Variants in PSD3 observed in about 807,000 individuals in gnomAD.
PSD3 encodes the protein pleckstrin and Sec7 domain containing 3.
Under a neutral mutation model 105.5 loss-of-function variants are expected in PSD3, and 49 were observed. That is an observed-to-expected ratio of 0.46 (90% confidence interval 0.37 to 0.59). PSD3 has a LOEUF of 0.59. Ranked by LOEUF, PSD3 falls within the 20% of genes least tolerant of loss-of-function variation. PSD3 has a pLI of 0.00. For missense variants in PSD3, 1,561 were observed against 1,263.8 expected (o/e 1.24, Z -3.57); for synonymous variants, 557 against 457.8 (o/e 1.22, Z -2.77).
At chr8:19,029,275 T>C (rs1477017321) in intron 1 of PSD3, among the ~76,000 whole-genome samples, 1 of 152,220 alleles carries the variant, frequency 6.6e-6, no homozygotes, top group Non-Finnish European at 1.5e-5. Flanking sequence ...ACAATTTGTC[T>C]TCTAAAACAT....
chr8:18,617,123 G>C (rs572214381), intron 11 of PSD3, among the ~76,000 whole-genome samples: 1 of 152,186 alleles, frequency 6.6e-6, no homozygotes, highest in Non-Finnish European at 1.5e-5. Flanking sequence ...TGAACCTTCA[G>C]AGGGTGATGG....
intron 10 of PSD3, among the ~76,000 whole-genome samples, chr8:18,638,993 G>T (rs879903545): frequency 2.6e-5 from 4 of 152,196 alleles, no homozygotes; most frequent in Non-Finnish European, 5.9e-5. Context: ...ATTGACCACT[G>T]CCCTTCCGTG....
At chr8:19,034,176 A>G (rs1354010722) in intron 1 of PSD3, among the ~76,000 whole-genome samples, 3 of 152,196 alleles carry the variant, frequency 2.0e-5, no homozygotes, top group Non-Finnish European at 2.9e-5. Flanking sequence ...TCCCAGAGTT[A>G]AGGCTAGTTC....
chr8:18,656,351 T>C (rs12544583), intron 9 of PSD3, among the ~76,000 whole-genome samples: 65,102 of 150,854 alleles, frequency 0.43, 14,487 homozygotes, highest in South Asian at 0.53. Context: ...AGCCACTGTG[T>C]CTGGCTGCTT....
intron 1 of PSD3, among the ~76,000 whole-genome samples, chr8:18,970,637 A>AT (rs1255731097): frequency 6.6e-6 from 1 of 152,068 alleles, no homozygotes; most frequent in Non-Finnish European, 1.5e-5. Flanking sequence ...CTTTCCTAGA[A>AT]TTGTCCTCTG....
chr8:19,071,197 T>C (rs1247508921), intron 1 of PSD3, among the ~76,000 whole-genome samples: 2 of 152,110 alleles, frequency 1.3e-5, no homozygotes, highest in African/African-American at 4.8e-5. Context: ...TTAGCTGGGA[T>C]TACAGGTGTG....
intron 10 of PSD3, among the ~76,000 whole-genome samples, chr8:18,652,544 C>T (rs999237283): frequency 7.6e-6 from 1 of 132,342 alleles, no homozygotes; most frequent in Non-Finnish European, 1.6e-5. Flanking sequence ...GTCACCCAGG[C>T]TGGGGTATAG....
At chr8:18,718,960 A>AT (rs1802774643) in intron 9 of PSD3, among the ~76,000 whole-genome samples, 1 of 152,190 alleles carries the variant, frequency 6.6e-6, no homozygotes, top group Admixed American at 6.5e-5. Flanking sequence ...GACTGCTACA[A>AT]TTATCTGTGG....
chr8:18,998,577 C>T (rs986442479), intron 1 of PSD3, among the ~76,000 whole-genome samples: 3 of 152,014 alleles, frequency 2.0e-5, no homozygotes, highest in African/African-American at 2.4e-5. Flanking sequence ...GTCCCAGCTA[C>T]TCAGGAGGCT....
intron 1 of PSD3, among the ~76,000 whole-genome samples, chr8:18,994,241 G>A (rs1470012820): frequency 1.6e-5 from 2 of 125,796 alleles, no homozygotes; most frequent in East Asian, 2.4e-4. Flanking sequence ...ATTTTTATAG[G>A]TCCTCATCTC....
At chr8:18,568,711 T>C (rs991497955) in intron 14 of PSD3, among the ~76,000 whole-genome samples, 41 of 152,328 alleles carry the variant, frequency 2.7e-4, no homozygotes, top group African/African-American at 8.7e-4. Flanking sequence ...TTCTTCTTTT[T>C]TTTTTTTATT....
At chr8:18,848,758 T>C (rs1470726902) in intron 4 of PSD3, among the ~76,000 whole-genome samples, 1 of 152,196 alleles carries the variant, frequency 6.6e-6, no homozygotes, top group Non-Finnish European at 1.5e-5. Flanking sequence ...AGTCCCAGAA[T>C]GACCAGTAAA....
At chr8:18,722,287 T>G (rs1803036360) in intron 9 of PSD3, among the ~76,000 whole-genome samples, 1 of 152,184 alleles carries the variant, frequency 6.6e-6, no homozygotes, top group Non-Finnish European at 1.5e-5. Context: ...GTTCCCTTTT[T>G]TAAAGCAGCA....
intron 1 of PSD3, among the ~76,000 whole-genome samples, chr8:19,003,121 G>A (rs1036984684): frequency 6.6e-5 from 10 of 152,124 alleles, no homozygotes; most frequent in Non-Finnish European, 1.3e-4. Context: ...CTTGCCCAAG[G>A]TGACACAGAT....
intron 2 of PSD3, among the ~76,000 whole-genome samples, chr8:18,893,638 G>A (rs748528493): frequency 1.3e-5 from 2 of 151,444 alleles, no homozygotes; most frequent in African/African-American, 2.4e-5. Flanking sequence ...AGCAGGATCG[G>A]AACTCCAGGC....
chr8:19,008,858 C>T (rs7010496), intron 1 of PSD3, among the ~76,000 whole-genome samples: 17,412 of 152,210 alleles, frequency 0.11, 1,242 homozygotes, highest in African/African-American at 0.19. Context: ...TCCTCCTCCT[C>T]ATTGTTTCAA....
intron 15 of PSD3, among the ~76,000 whole-genome samples, chr8:18,554,789 T>C (rs1412293780): frequency 6.6e-6 from 1 of 152,148 alleles, no homozygotes; most frequent in Non-Finnish European, 1.5e-5. Flanking sequence ...CTGAAACAGA[T>C]GAATCCCAGC....
intron 1 of PSD3, chr8:18,940,187 T>A (rs1822440326): frequency 6.6e-6 from 1 of 152,244 alleles, no homozygotes; most frequent in South Asian, 2.1e-4. Flanking sequence ...TAACAATTTT[T>A]CAGGTGATGC....
intron 11 of PSD3, among the ~76,000 whole-genome samples, chr8:18,613,570 G>C (rs188935837): frequency 6.6e-6 from 1 of 152,230 alleles, no homozygotes; most frequent in Non-Finnish European, 1.5e-5. Flanking sequence ...TAGAGTCACA[G>C]AATTATTTTT....
Sources: allele counts gnomAD v4.1 joint callset (sites outside exome capture counted in the v4.1 genomes callset), GRCh38; gene constraint gnomAD v4.1.1; transcripts MANE v1.5; gene names NCBI Gene and HGNC (gene_info 2026-07-23, HGNC 2026-07-21).